The following COL25A1 variants were observed in gnomAD, a reference collection of about 807,000 sequenced individuals.
The protein encoded by COL25A1 is collagen alpha-1(XXV) chain.
Under a neutral mutation model 128.4 loss-of-function variants are expected in COL25A1, and 103 were observed. That is an observed-to-expected ratio of 0.80 (90% CI 0.68 to 0.94). The LOEUF (loss-of-function observed/expected upper bound fraction) is 0.94, where lower values mean the gene tolerates loss of function less well. Ranked by LOEUF, COL25A1 falls within the 40% of genes least tolerant of loss-of-function variation. The pLI is 0.00. For missense variants in COL25A1, 745 were observed against 840.0 expected, an observed-to-expected ratio of 0.89 and a Z score of 1.40; for synonymous variants, 279 against 277.2, an observed-to-expected ratio of 1.01 and a Z score of -0.06.
chr4:108,902,780 A>C (rs1742992739), intron 13 of COL25A1, among the ~76,000 whole-genome samples: 1 of 151,984 alleles, frequency 6.6e-6, no homozygotes. Context: ...AATGGGAAAA[A>C]ATGTTGACTT....
chr4:108,860,659 T>C (rs1259715439), intron 23 of COL25A1, among the ~76,000 whole-genome samples: 2 of 152,040 alleles, frequency 1.3e-5, no homozygotes, highest in South Asian at 2.1e-4. Context: ...TTCCATTAGC[T>C]GGATGGGAAC....
rs575658707 is a variant in COL25A1, at chr4:109,241,888, A to G, written c.367+58695T>C. ...ATTTGTACAGATTCCTGATGTATTC[A>G]TAAGTCTTTTTTATTACAAGTAAAA... On this transcript the variant is annotated intron_variant, in intron 3 of 37. Transcript: ENST00000399132. Among the ~76,000 whole-genome samples, 13 of 152,212 alleles carry G rather than the reference A, an allele frequency of 8.5e-5. 1 individual carries two copies. In the South Asian group the frequency reaches 2.7e-3, roughly 32 times the overall value.
In COL25A1 at chr4:109,050,052, A is replaced by G. The variant is rs527658112; in HGVS notation, c.412+83T>C. ...ACACACATATAACCTCCAACAAGAC[A>G]ATATTATCATTAATTAGGAAGAACA... On this transcript the variant is annotated intron_variant, in intron 4 of 37. Transcript: ENST00000399132. 8 of 1,135,488 alleles carry G rather than the reference A, an allele frequency of 7.0e-6. No homozygotes were observed. In the African/African-American group the frequency reaches 9.3e-5, roughly 13 times the overall value. The allele number at this position is 1,135,488 out of a possible 1,614,324, so 70.3% of individuals were successfully genotyped here.
intron 22 of COL25A1, among the ~76,000 whole-genome samples, chr4:108,861,682 C>A (rs919157823): frequency 6.6e-6 from 1 of 152,116 alleles, no homozygotes; most frequent in Non-Finnish European, 1.5e-5. Flanking sequence ...ATAGTCCAAG[C>A]CCTCAAAATT....
intron 14 of COL25A1, 130 bp downstream of exon 14, chr4:108,900,989 A>T: frequency 1.5e-6 from 1 of 663,932 alleles, no homozygotes; most frequent in South Asian, 1.9e-5. Context: ...ACTATAGCAT[A>T]TTATACTATT....
chr4:109,186,276 A>T (rs1775123286), intron 3 of COL25A1, among the ~76,000 whole-genome samples: 1 of 152,148 alleles, frequency 6.6e-6, no homozygotes, highest in Non-Finnish European at 1.5e-5. Context: ...CTAATATCCT[A>T]TCTGCATGAA....
intron 19 of COL25A1, among the ~76,000 whole-genome samples, chr4:108,872,128 C>T (rs1738797565): frequency 1.3e-5 from 2 of 152,090 alleles, no homozygotes; most frequent in South Asian, 2.1e-4. Context: ...ATGAAAAGTT[C>T]AATAGGCCAG....
intron 3 of COL25A1, among the ~76,000 whole-genome samples, chr4:109,206,640 T>G (rs1303788944): frequency 2.0e-5 from 3 of 152,170 alleles, no homozygotes; most frequent in African/African-American, 7.2e-5. Context: ...TTTGGCCATC[T>G]TCAGTGCTCT....
chr4:108,870,294 A>C (rs1738549548), intron 19 of COL25A1, among the ~76,000 whole-genome samples: 1 of 152,112 alleles, frequency 6.6e-6, no homozygotes, highest in Non-Finnish European at 1.5e-5. Context: ...AATGTCATCA[A>C]ATATTTTTCA....
At chr4:108,870,738 G>C (rs1384042366) in intron 19 of COL25A1, among the ~76,000 whole-genome samples, 4 of 152,136 alleles carry the variant, frequency 2.6e-5, no homozygotes. Context: ...CTAACAAAAT[G>C]ATATATACAA....
intron 19 of COL25A1, among the ~76,000 whole-genome samples, chr4:108,877,775 T>A (rs1193369953): frequency 6.6e-6 from 1 of 152,124 alleles, no homozygotes; most frequent in African/African-American, 2.4e-5. Context: ...GAAAATTCCT[T>A]AGGAACATGA....
intron 20 of COL25A1, among the ~76,000 whole-genome samples, chr4:108,865,800 T>G (rs1181060579): frequency 1.3e-5 from 2 of 152,180 alleles, no homozygotes; most frequent in Non-Finnish European, 2.9e-5. Flanking sequence ...CTATGTTGCC[T>G]AGGCTGGTGT....
At chr4:109,143,737 T>C (rs1336072673) in intron 3 of COL25A1, among the ~76,000 whole-genome samples, 2 of 152,206 alleles carry the variant, frequency 1.3e-5, no homozygotes, top group Admixed American at 1.3e-4. Context: ...GTTCTTGTGC[T>C]GTGTTTTTCA....
chr4:109,295,362 T>A (rs1317824680), intron 3 of COL25A1, among the ~76,000 whole-genome samples: 1 of 152,092 alleles, frequency 6.6e-6, no homozygotes, highest in Non-Finnish European at 1.5e-5. Flanking sequence ...CAATTTAACA[T>A]GGATGCTTGA....
intron 3 of COL25A1, among the ~76,000 whole-genome samples, chr4:109,239,396 A>G (rs200576839): frequency 0.011 from 684 of 59,962 alleles, no homozygotes; most frequent in South Asian, 0.042. Flanking sequence ...GTGTGTGTGT[A>G]TATATATATA....
chr4:108,912,989 A>C (rs1053130502), intron 13 of COL25A1, among the ~76,000 whole-genome samples: 1 of 152,146 alleles, frequency 6.6e-6, no homozygotes, highest in Non-Finnish European at 1.5e-5. Flanking sequence ...TCAATTTTTA[A>C]ATTTATGTTA....
intron 3 of COL25A1, among the ~76,000 whole-genome samples, chr4:109,278,201 C>T (rs1723034316): frequency 6.6e-6 from 1 of 152,052 alleles, no homozygotes; most frequent in African/African-American, 2.4e-5. Flanking sequence ...ATTCAGGTCA[C>T]CTCTCTACAG....
intron 6 of COL25A1, among the ~76,000 whole-genome samples, chr4:108,992,369 T>A (rs1440595676): frequency 6.6e-6 from 1 of 152,200 alleles, no homozygotes; most frequent in African/African-American, 2.4e-5. Context: ...GCCAAAGTCA[T>A]GGTCAATAGA....
Position 108,918,187 on chromosome 4 carries a change from C to T in COL25A1, c.765G>A (p.Gly255=), listed in dbSNP as rs187342096. 13 of 1,597,456 alleles carry T rather than the reference C, an allele frequency of 8.1e-6. No homozygotes were observed. In the African/African-American group the frequency reaches 1.7e-4, roughly 21 times the overall value. ...KGSIGAPGIP[G]MNGQKGEPGL... Reference sequence around the variant, plus strand: ...TAGAACTCACCTTTTGCCCATTCATCCCTGGAATTCCAGGTGCTCCAATAG... The same window carrying T: ...TAGAACTCACCTTTTGCCCATTCATTCCTGGAATTCCAGGTGCTCCAATAG... Residue 255 remains glycine, a synonymous_variant, in exon 13 of 38, where the codon GGG becomes GGA. Transcript: ENST00000399132.
Sources: allele counts gnomAD v4.1 joint callset (sites outside exome capture counted in the v4.1 genomes callset), GRCh38; gene constraint gnomAD v4.1.1; transcripts MANE v1.5; gene names NCBI Gene and HGNC (gene_info 2026-07-23, HGNC 2026-07-21).